Variants in KCNJ6 observed in about 807,000 individuals in gnomAD.
The protein encoded by KCNJ6 is G protein-activated inward rectifier potassium channel 2.
KCNJ6 carries 9 observed loss-of-function variants against 34.2 expected under a neutral mutation model. The ratio of observed to expected loss-of-function variants is 0.26; its 90% CI spans 0.16 to 0.46. The LOEUF (loss-of-function observed/expected upper bound fraction) is 0.46, where lower values mean the gene tolerates loss of function less well. Ranked by LOEUF, KCNJ6 falls within the 20% of genes least tolerant of loss-of-function variation. KCNJ6 has a pLI of 1.00. For missense variants in KCNJ6, 236 were observed against 531.3 expected (o/e 0.44, Z 5.46); for synonymous variants, 196 against 207.1 (o/e 0.95, Z 0.46).
At chr21:37,678,921 C>T (rs2054578882) in intron 3 of KCNJ6, among the ~76,000 whole-genome samples, 1 of 152,126 alleles carries the variant, frequency 6.6e-6, no homozygotes, top group Non-Finnish European at 1.5e-5. Flanking sequence ...CGTTCCTTCC[C>T]CTTACATGTT....
intron 1 of KCNJ6, among the ~76,000 whole-genome samples, chr21:37,880,411 G>T (rs1366698117): frequency 6.6e-6 from 1 of 152,218 alleles, no homozygotes; most frequent in Non-Finnish European, 1.5e-5. Flanking sequence ...TCTACAAAGG[G>T]CATGGGCCAT....
At chr21:37,797,187 A>C (rs566109013) in intron 2 of KCNJ6, among the ~76,000 whole-genome samples, 45 of 152,072 alleles carry the variant, frequency 3.0e-4, no homozygotes, top group African/African-American at 1.0e-3. Flanking sequence ...AGTAGCTGGG[A>C]TTACAAGCAT....
intron 3 of KCNJ6, among the ~76,000 whole-genome samples, chr21:37,626,001 A>G (rs2054309090): frequency 6.6e-6 from 1 of 152,204 alleles, no homozygotes; most frequent in Non-Finnish European, 1.5e-5. Flanking sequence ...CCATTAACAC[A>G]CAGGCCATGA....
intron 3 of KCNJ6, among the ~76,000 whole-genome samples, chr21:37,706,050 A>C (rs1287829187): frequency 3.4e-5 from 4 of 115,962 alleles, no homozygotes; most frequent in Non-Finnish European, 7.0e-5. Flanking sequence ...TCTCTGTGAC[A>C]TGTGCTTCCA....
chr21:37,817,211 G>A (rs1037917327), intron 2 of KCNJ6, among the ~76,000 whole-genome samples: 7 of 152,174 alleles, frequency 4.6e-5, no homozygotes, highest in African/African-American at 1.7e-4. Context: ...GCTACAGCAT[G>A]GAGGTTAGGT....
chr21:37,816,550 T>C (rs1225217627), intron 2 of KCNJ6, among the ~76,000 whole-genome samples: 1 of 152,238 alleles, frequency 6.6e-6, no homozygotes, highest in Non-Finnish European at 1.5e-5. Flanking sequence ...GTGACCTGTC[T>C]GAGGTTATAA....
At chr21:37,849,534 C>T (rs944595366) in intron 1 of KCNJ6, among the ~76,000 whole-genome samples, 1 of 152,168 alleles carries the variant, frequency 6.6e-6, no homozygotes, top group Non-Finnish European at 1.5e-5. Context: ...AGTCTTCCAA[C>T]ATCCACTCTG....
At chr21:37,777,264 G>A (rs572176403) in intron 2 of KCNJ6, among the ~76,000 whole-genome samples, 3 of 151,944 alleles carry the variant, frequency 2.0e-5, no homozygotes, top group East Asian at 1.9e-4. Context: ...TCTTGCTAGC[G>A]GTCTATCAAT....
chr21:37,715,942 C>T (rs2054788285), intron 2 of KCNJ6, among the ~76,000 whole-genome samples: 1 of 152,218 alleles, frequency 6.6e-6, no homozygotes, highest in African/African-American at 2.4e-5. Flanking sequence ...AACTGACTTA[C>T]AACACACTAT....
intron 3 of KCNJ6, among the ~76,000 whole-genome samples, chr21:37,652,558 G>C (rs1437692475): frequency 6.6e-6 from 1 of 152,166 alleles, no homozygotes; most frequent in East Asian, 1.9e-4. Context: ...AATTCATTGG[G>C]AAGAGAGAGG....
intron 3 of KCNJ6, among the ~76,000 whole-genome samples, chr21:37,656,177 A>G (rs1197567403): frequency 1.3e-5 from 2 of 152,150 alleles, no homozygotes; most frequent in Non-Finnish European, 2.9e-5. Context: ...TCAGCTGGCC[A>G]CACCCCTTCT....
In KCNJ6 at chr21:37,609,757, G is replaced by C. The variant is rs2054236265; in HGVS notation, c.*15402C>G. 1 of 151,674 alleles carries C rather than the reference G, an allele frequency of 6.6e-6. No homozygotes were observed. Among genetic ancestry groups the C allele is most frequent in the Non-Finnish European group, 1.5e-5 (1 of 67,944 alleles). 9.4% of individuals were successfully genotyped at this position (151,674 alleles called of 1,614,324 possible). ...TTTTGTTTTTCTGACTGGGGCCCTA[G>C]GTGCATGCTTTAGGGAGGGTAGAGC... On this transcript the variant is annotated 3_prime_UTR_variant, in exon 4 of 4. Transcript: ENST00000609713.
At chr21:37,635,834 T>G in intron 3 of KCNJ6, among the ~76,000 whole-genome samples, 1 of 152,268 alleles carries the variant, frequency 6.6e-6, no homozygotes, top group Non-Finnish European at 1.5e-5. Context: ...AAGTGTTTTA[T>G]TATCACATTT....
At chr21:37,736,895 C>T (rs572640286) in intron 2 of KCNJ6, among the ~76,000 whole-genome samples, 3 of 152,306 alleles carry the variant, frequency 2.0e-5, no homozygotes, top group South Asian at 2.1e-4. Context: ...AGGCACCGTC[C>T]TTAATAATAC....
intron 3 of KCNJ6, among the ~76,000 whole-genome samples, chr21:37,649,004 T>A (rs1465921711): frequency 1.5e-5 from 2 of 134,450 alleles, no homozygotes; most frequent in Non-Finnish European, 3.1e-5. Flanking sequence ...TGGTGGCGGG[T>A]GCCTGTAATC....
At chr21:37,631,935 G>A (rs571454392) in intron 3 of KCNJ6, among the ~76,000 whole-genome samples, 96 of 152,148 alleles carry the variant, frequency 6.3e-4, no homozygotes, top group Non-Finnish European at 2.8e-4. Flanking sequence ...TTGGGAAAGG[G>A]GAATTCCAGG....
intron 1 of KCNJ6, among the ~76,000 whole-genome samples, chr21:37,846,805 G>T (rs2055510971): frequency 1.3e-5 from 2 of 152,106 alleles, no homozygotes; most frequent in African/African-American, 4.8e-5. Flanking sequence ...CTCACCTCTG[G>T]TTAAACCAGG....
chr21:37,729,072 C>G (rs1383790894), intron 2 of KCNJ6, among the ~76,000 whole-genome samples: 3 of 152,126 alleles, frequency 2.0e-5, no homozygotes, highest in African/African-American at 7.2e-5. Context: ...TGTGGTAGAA[C>G]AGATCCTACA....
chr21:37,889,478 T>G (rs2123632747), intron 1 of KCNJ6, among the ~76,000 whole-genome samples: 1 of 152,252 alleles, frequency 6.6e-6, no homozygotes, highest in African/African-American at 2.4e-5. Context: ...TGGGTGTGGT[T>G]CACCATTTTG....
Sources: gnomAD v4.1 joint callset for allele counts (sites outside exome capture counted in the v4.1 genomes callset) on GRCh38, gnomAD v4.1.1 for gene constraint, MANE v1.5 for transcripts, NCBI Gene and HGNC (gene_info 2026-07-23, HGNC 2026-07-21) for gene names.